The following SPAG16 variants were observed in gnomAD, a reference collection of about 807,000 sequenced individuals.
The protein encoded by SPAG16 is sperm associated antigen 16, also known as sperm-associated antigen 16 protein.
Under a neutral mutation model 80.4 loss-of-function variants are expected in SPAG16, and 86 were observed. That is an observed-to-expected ratio of 1.07 (90% CI 0.90 to 1.28). The LOEUF is 1.28. SPAG16 is among the 50% of genes most tolerant of loss of function. The pLI is 0.00. For synonymous variants in SPAG16, 294 were observed against 265.9 expected, an observed-to-expected ratio of 1.11 and a Z score of -1.03; for missense variants, 870 against 765.3, an observed-to-expected ratio of 1.14 and a Z score of -1.61.
intron 13 of SPAG16, among the ~76,000 whole-genome samples, chr2:214,102,703 T>C (rs1229005890): frequency 1.3e-5 from 2 of 152,076 alleles, no homozygotes; most frequent in Admixed American, 6.6e-5. Context: ...GGCAAATCCA[T>C]AGGTGTCTGG....
chr2:213,731,898 T>C (rs1041853934), intron 10 of SPAG16, among the ~76,000 whole-genome samples: 1 of 152,258 alleles, frequency 6.6e-6, no homozygotes, highest in African/African-American at 2.4e-5. Flanking sequence ...TATTTTGCTA[T>C]GCAGGAGCTC....
At chr2:213,479,462 T>TTGTG (rs375125648) in intron 9 of SPAG16, among the ~76,000 whole-genome samples, 3 of 151,396 alleles carry the variant, frequency 2.0e-5, no homozygotes, top group Non-Finnish European at 4.4e-5. Context: ...ATCTTTTTGT[T>TTGTG]TGTGTGTGTG....
At chr2:214,348,710 C>G (rs1912213) in intron 15 of SPAG16, among the ~76,000 whole-genome samples, 102,205 of 152,012 alleles carry the variant, frequency 0.67, 40,399 homozygotes, top group Non-Finnish European at 0.88. Flanking sequence ...ACCCTCCACA[C>G]CAGCTCATCT....
chr2:213,490,638 C>CA (rs1469274165), intron 10 of SPAG16, among the ~76,000 whole-genome samples: 2 of 151,844 alleles, frequency 1.3e-5, no homozygotes, highest in Non-Finnish European at 2.9e-5. Context: ...ATTCAAAATT[C>CA]AAAAAATCTG....
At chr2:213,908,165 A>G (rs1454443043) in intron 11 of SPAG16, among the ~76,000 whole-genome samples, 2 of 152,166 alleles carry the variant, frequency 1.3e-5, no homozygotes, top group Admixed American at 1.3e-4. Context: ...GATAAAAGAG[A>G]AAATAATTCA....
chr2:213,738,536 A>G (rs774326268), intron 10 of SPAG16, among the ~76,000 whole-genome samples: 3 of 152,192 alleles, frequency 2.0e-5, no homozygotes, highest in African/African-American at 7.2e-5. Context: ...GAGAAGTACC[A>G]CTATAAAATT....
At chr2:214,351,474 G>C (rs1375253785) in intron 15 of SPAG16, among the ~76,000 whole-genome samples, 1 of 152,072 alleles carries the variant, frequency 6.6e-6, no homozygotes, top group African/African-American at 2.4e-5. Context: ...GGCCGAGGTG[G>C]GTGGATCACG....
intron 13 of SPAG16, among the ~76,000 whole-genome samples, chr2:214,027,874 T>G (rs1271535649): frequency 6.6e-6 from 1 of 151,954 alleles, no homozygotes; most frequent in Non-Finnish European, 1.5e-5. Flanking sequence ...TAGTTGAACA[T>G]TTTTTCTGTT....
At chr2:214,217,910 C>G (rs961965683) in intron 15 of SPAG16, among the ~76,000 whole-genome samples, 1 of 152,102 alleles carries the variant, frequency 6.6e-6, no homozygotes, top group East Asian at 1.9e-4. Context: ...TGTCTCCAAC[C>G]CTTTTTATAC....
rs543932016 is a variant in SPAG16 at position 213,546,170 on chromosome 2, C to CT, written c.1070+56083dup. On this transcript the variant is annotated intron_variant, in intron 10 of 15. Coordinates refer to ENST00000331683, the MANE Select transcript of SPAG16 (RefSeq NM_024532.5). Reference sequence around the variant, plus strand: ...AGACTAGTCAATTTCTCTACTTTTACTTTAATTTACATGATTTTTTTAAAT... The same window carrying CT: ...AGACTAGTCAATTTCTCTACTTTTACTTTTAATTTACATGATTTTTTTAAAT... Among the ~76,000 whole-genome samples the CT allele has an allele frequency of 7.8e-4, 119 of 152,178 alleles. 2 individuals are homozygous for CT. Among genetic ancestry groups the CT allele is most frequent in the Middle Eastern group, 3.4e-3 (1 of 294 alleles).
intron 4 of SPAG16, among the ~76,000 whole-genome samples, chr2:213,312,323 A>G (rs866288410): frequency 6.6e-6 from 1 of 151,682 alleles, no homozygotes; most frequent in Non-Finnish European, 1.5e-5. Flanking sequence ...AGAATTCTCA[A>G]TGGGCAATGG....
chr2:213,529,991 C>A (rs927806051), intron 10 of SPAG16, among the ~76,000 whole-genome samples: 2 of 152,150 alleles, frequency 1.3e-5, no homozygotes, highest in African/African-American at 2.4e-5. Flanking sequence ...TCTTCCACTT[C>A]CACATTTTGT....
chr2:213,305,601 A>G (rs1442254415), intron 3 of SPAG16, among the ~76,000 whole-genome samples: 3 of 152,150 alleles, frequency 2.0e-5, no homozygotes, highest in Admixed American at 2.0e-4. Context: ...TTTTTTCAGC[A>G]TGAATTGAAA....
chr2:214,257,961 G>A (rs1576613541), intron 15 of SPAG16, among the ~76,000 whole-genome samples: 1 of 151,992 alleles, frequency 6.6e-6, no homozygotes, highest in African/African-American at 2.4e-5. Flanking sequence ...GAAATATTTT[G>A]ATAACAAATG....
At chr2:213,378,078 A>G (rs1219479296) in intron 9 of SPAG16, among the ~76,000 whole-genome samples, 1 of 152,120 alleles carries the variant, frequency 6.6e-6, no homozygotes, top group Non-Finnish European at 1.5e-5. Context: ...GTTAGAGGGC[A>G]GGAAGCATCC....
chr2:214,209,641 C>G (rs2058236624), intron 15 of SPAG16, among the ~76,000 whole-genome samples: 1 of 152,118 alleles, frequency 6.6e-6, no homozygotes, highest in Non-Finnish European at 1.5e-5. Flanking sequence ...AGGTTTCTAG[C>G]CTTTGGTTCC....
At chr2:214,336,493 T>C (rs1013206584) in intron 15 of SPAG16, among the ~76,000 whole-genome samples, 7 of 152,080 alleles carry the variant, frequency 4.6e-5, no homozygotes, top group African/African-American at 7.2e-5. Context: ...GAAAAATAGG[T>C]TGAAGAACAC....
chr2:213,368,985 T>G (rs2066483389), intron 8 of SPAG16, among the ~76,000 whole-genome samples: 1 of 152,184 alleles, frequency 6.6e-6, no homozygotes, highest in Admixed American at 6.5e-5. Flanking sequence ...ATGGCCATAC[T>G]GCGCGAGAAA....
At chr2:214,094,790 A>G (rs571607178) in intron 13 of SPAG16, among the ~76,000 whole-genome samples, 4 of 152,122 alleles carry the variant, frequency 2.6e-5, no homozygotes, top group African/African-American at 7.2e-5. Flanking sequence ...ATTTGGTAAT[A>G]TGGGGTAGAT....
Sources: allele counts gnomAD v4.1 joint callset (sites outside exome capture counted in the v4.1 genomes callset), GRCh38; gene constraint gnomAD v4.1.1; transcripts MANE v1.5; gene names NCBI Gene and HGNC (gene_info 2026-07-23, HGNC 2026-07-21).